The following STK11 variants were observed in gnomAD, a reference collection of about 807,000 sequenced individuals.
STK11 encodes serine/threonine-protein kinase STK11.
Under a neutral mutation model 47.3 loss-of-function variants are expected in STK11, and 8 were observed. The ratio of observed to expected loss-of-function variants is 0.17; its 90% CI spans 0.10 to 0.31. The LOEUF (loss-of-function observed/expected upper bound fraction) is 0.31, where lower values mean the gene tolerates loss of function less well. STK11 is among the 10% of genes least tolerant of loss of function. The pLI is 1.00. For missense variants in STK11, 475 were observed against 605.0 expected, an observed-to-expected ratio of 0.79 and a Z score of 2.25; for synonymous variants, 330 against 255.8, an observed-to-expected ratio of 1.29 and a Z score of -2.77.
chr19:1,224,799 A>C, intron 8 of STK11: 4 of 985,470 alleles, frequency 4.1e-6, no homozygotes, highest in Non-Finnish European at 4.8e-6. Flanking sequence ...CCGCCAGACC[A>C]CTCGGCATGG....
chr19:1,218,386 G>T (rs1185680620), intron 1 of STK11, 31 bp from the exon 2 acceptor site: 2 of 1,593,432 alleles, frequency 1.3e-6, no homozygotes, highest in Admixed American at 1.7e-5. Context: ...ACGTTGGGTC[G>T]GCTGATACAC....
At position 1,206,599 on chromosome 19, in the gene STK11, T is replaced by A; in HGVS notation, c.-315T>A. The A allele has an allele frequency of 2.2e-6, 1 of 453,642 alleles. No homozygotes were observed. The highest frequency in any genetic ancestry group is 3.9e-6 in the Non-Finnish European group (1 of 254,000). The allele number at this position is 453,642 out of a possible 1,614,324, so 28.1% of individuals were successfully genotyped here. On this transcript the variant is annotated 5_prime_UTR_variant, in exon 1 of 10. Coordinates refer to ENST00000326873, the MANE Select transcript of STK11 (RefSeq NM_000455.5). Reference sequence around the variant, plus strand: ...TCCCCAGGGTCCCCGAGGACGAAGTTGACCCTGACCGGGCCGTCTCCCAGT... The same window carrying A: ...TCCCCAGGGTCCCCGAGGACGAAGTAGACCCTGACCGGGCCGTCTCCCAGT...
At chr19:1,210,941 T>C (rs1044303439) in intron 1 of STK11, among the ~76,000 whole-genome samples, 1 of 151,814 alleles carries the variant, frequency 6.6e-6, no homozygotes, top group Non-Finnish European at 1.5e-5. Context: ...GGCGGTTTGA[T>C]CACAAGGTCA....
intron 8 of STK11, chr19:1,226,171 C>T (rs1376422695): frequency 1.6e-6 from 2 of 1,285,590 alleles, no homozygotes; most frequent in African/African-American, 3.1e-5. Flanking sequence ...TTCCTGCAGT[C>T]AGTACCTGGG....
In STK11 at chr19:1,226,297, G is replaced by A; in HGVS notation, c.1109-157G>A. ...GGGTGCCTCCCAGAGCTGCTGGGGG[G>A]CAGCATTTCAGGCTGGATACACCTG... On this transcript the variant is annotated intron_variant, in intron 8 of 9. Transcript: ENST00000326873. 4 of 1,450,018 alleles carry A rather than the reference G, an allele frequency of 2.8e-6. No homozygotes were observed. In the South Asian group the frequency reaches 4.4e-5, roughly 16 times the overall value. 89.8% of individuals were successfully genotyped at this position (1,450,018 alleles called of 1,614,324 possible).
At chr19:1,210,426 G>C (rs1007378424) in intron 1 of STK11, among the ~76,000 whole-genome samples, 10 of 152,196 alleles carry the variant, frequency 6.6e-5, no homozygotes, top group African/African-American at 2.2e-4. Flanking sequence ...ATCACCAAGG[G>C]GGGTGGGTTG....
At chr19:1,216,579 CAAAA>C (rs968721946) in intron 1 of STK11, among the ~76,000 whole-genome samples, 1 of 117,416 alleles carries the variant, frequency 8.5e-6, no homozygotes, top group African/African-American at 3.2e-5. Flanking sequence ...ACTCCGTCTC[CAAAA>C]AAAAAAAAAC....
At position 1,227,885 on chromosome 19, in the gene STK11, G is replaced by A. The variant is rs2080838047; in HGVS notation, c.*309G>A. The stretch of plus-strand genomic sequence containing the variant: ...CATGCACTTTATGTGGAGACTACTG[G>A]CCCCGCCCGTGGCCTCGTGCTCCGC... On this transcript the variant is annotated 3_prime_UTR_variant, in exon 10 of 10. Coordinates refer to ENST00000326873, the MANE Select transcript of STK11 (RefSeq NM_000455.5). The A allele has an allele frequency of 2.8e-6, 3 of 1,069,298 alleles. No homozygotes were observed. The highest frequency in any genetic ancestry group is 8.3e-4 in the Middle Eastern group (2 of 2,422). 66.2% of individuals were successfully genotyped at this position (1,069,298 alleles called of 1,614,324 possible).
At chr19:1,208,607 CTTTTTTTTTTTTTTT>C (rs71174355) in intron 1 of STK11, among the ~76,000 whole-genome samples, 2 of 37,788 alleles carry the variant, frequency 5.3e-5, no homozygotes, top group Non-Finnish European at 4.5e-5. Context: ...CGCGTGCGGC[CTTTTTTTTTTTTTTT>C]TTTTTTTTTT....
rs909927889 is a variant in STK11, at chr19:1,223,609, C to A, written c.1108+437C>A. On this transcript the variant is annotated intron_variant, in intron 8 of 9. Coordinates refer to ENST00000326873, the MANE Select transcript of STK11 (RefSeq NM_000455.5). ...GTCGTCCCTGAGGCCTGCCCGCTGG[C>A]CCTGATGCCGGCCGCCCTTCTTCCC... 9 of 1,070,362 alleles carry A rather than the reference C, an allele frequency of 8.4e-6. No individual in the cohort carries two copies. In the African/African-American group the frequency reaches 1.5e-4, roughly 18 times the overall value. The allele number at this position is 1,070,362 out of a possible 1,614,324, so 66.3% of individuals were successfully genotyped here.
At chr19:1,211,096 G>A (rs535482533) in intron 1 of STK11, among the ~76,000 whole-genome samples, 6 of 152,106 alleles carry the variant, frequency 3.9e-5, no homozygotes, top group South Asian at 2.1e-4. Flanking sequence ...CCAATATGGC[G>A]AAACTCCGTC....
At chr19:1,226,036 C>T (rs995254159) in intron 8 of STK11, 5 of 1,019,526 alleles carry the variant, frequency 4.9e-6, no homozygotes, top group Non-Finnish European at 5.9e-6. Flanking sequence ...CCGAGCCTGG[C>T]CCTCCTGTGT....
chr19:1,216,049 T>C (rs1284178391), intron 1 of STK11, among the ~76,000 whole-genome samples: 1 of 151,910 alleles, frequency 6.6e-6, no homozygotes, highest in East Asian at 1.9e-4. Context: ...CTGTTTTTTA[T>C]GCTCCATGCT....
intron 8 of STK11, chr19:1,223,561 A>G: frequency 1.9e-6 from 2 of 1,078,650 alleles, no homozygotes; most frequent in Non-Finnish European, 2.3e-6. Flanking sequence ...GGCATGAGAG[A>G]GGGTCCAGTG....
chr19:1,224,992 G>C, intron 8 of STK11: 1 of 985,632 alleles, frequency 1.0e-6, no homozygotes, highest in Non-Finnish European at 1.2e-6. Context: ...CTCTGCCGGG[G>C]CTGCTGCATC....
At chr19:1,220,253 G>C in intron 3 of STK11, 120 bp from the exon 4 acceptor site, 2 of 1,340,558 alleles carry the variant, frequency 1.5e-6, no homozygotes, top group South Asian at 1.4e-5. Flanking sequence ...TGTGTGCCTG[G>C]ACTTCTGTGA....
chr19:1,221,997 G>T lies in STK11; in HGVS notation c.911G>T (p.Arg304Leu). The T allele has an allele frequency of 6.4e-7, 1 of 1,570,870 alleles. No individual in the cohort carries two copies. The highest frequency in any genetic ancestry group is 8.6e-7 in the Non-Finnish European group (1 of 1,158,966). ...PAKRFSIRQI[R>L]QHSWFRKKHP... The stretch of plus-strand genomic sequence containing the variant: ...AAGAGGTTCTCCATCCGGCAGATCC[G>T]GCAGCACAGGTGAGCGGCCCCTGGG... Residue 304 changes from arginine (R) to leucine (L), a missense_variant, in exon 7 of 10, where the codon CGG (arginine) becomes CTG (leucine). Around this residue, in one of 5 missense-constraint regions of STK11, gnomAD observed 130 missense variants for 239.7 expected, o/e 0.54. Coordinates refer to ENST00000326873, the MANE Select transcript of STK11 (RefSeq NM_000455.5).
chr19:1,209,310 C>T (rs1037755165), intron 1 of STK11, among the ~76,000 whole-genome samples: 6 of 152,036 alleles, frequency 3.9e-5, no homozygotes, highest in Non-Finnish European at 7.4e-5. Context: ...GGGCCGGGCG[C>T]GGTGGCTCAC....
chr19:1,213,082 T>C (rs1229766052), intron 1 of STK11, among the ~76,000 whole-genome samples: 1 of 148,024 alleles, frequency 6.8e-6, no homozygotes, highest in African/African-American at 2.5e-5. Context: ...CTGCAAGCTC[T>C]GCCTCCCGGG....
Sources: gnomAD v4.1 joint callset for allele counts (sites outside exome capture counted in the v4.1 genomes callset) on GRCh38, gnomAD v4.1.1 for gene constraint, gnomAD v4.1.1 regional missense constraint, MANE v1.5 for transcripts, NCBI Gene and HGNC (gene_info 2026-07-23, HGNC 2026-07-21) for gene names.